Variants in ROBO2 observed in about 807,000 individuals in gnomAD.
ROBO2 encodes roundabout homolog 2.
ROBO2 carries 53 observed loss-of-function variants against 160.8 expected under a neutral mutation model. The ratio of observed to expected loss-of-function variants is 0.33; its 90% CI spans 0.26 to 0.41. The LOEUF is 0.41. Ranked by LOEUF, ROBO2 falls within the 10% of genes least tolerant of loss-of-function variation. The pLI is 1.00. For missense variants in ROBO2, 1,577 were observed against 1,722.4 expected (o/e 0.92, Z 1.49); for synonymous variants, 664 against 611.7 (o/e 1.09, Z -1.26).
chr3:76,888,125 C>T (rs867767604), intron 2 of ROBO2, among the ~76,000 whole-genome samples: 12 of 152,198 alleles, frequency 7.9e-5, no homozygotes, highest in Admixed American at 4.6e-4. Flanking sequence ...CCCAGCACTT[C>T]GGGAGGCCCA....
At chr3:76,688,468 T>A (rs1427602930) in intron 2 of ROBO2, among the ~76,000 whole-genome samples, 1 of 151,998 alleles carries the variant, frequency 6.6e-6, no homozygotes, top group Non-Finnish European at 1.5e-5. Flanking sequence ...AGTTCTGGAT[T>A]ATTTCCTCAC....
intron 2 of ROBO2, among the ~76,000 whole-genome samples, chr3:76,742,039 CAG>C: frequency 6.6e-6 from 1 of 151,974 alleles, no homozygotes; most frequent in Non-Finnish European, 1.5e-5. Context: ...ATTCTCAGAT[CAG>C]TCAACAGCTA....
At chr3:76,252,577 T>A (rs1706076869) in intron 2 of ROBO2, among the ~76,000 whole-genome samples, 1 of 151,820 alleles carries the variant, frequency 6.6e-6, no homozygotes, top group Non-Finnish European at 1.5e-5. Flanking sequence ...CACACATATA[T>A]ATGGCTGTGA....
chr3:77,596,125 A>G (rs1198638718), intron 18 of ROBO2, among the ~76,000 whole-genome samples: 1 of 152,230 alleles, frequency 6.6e-6, no homozygotes, highest in South Asian at 2.1e-4. Flanking sequence ...CTATTTATGG[A>G]GCAGTATAAA....
At chr3:76,966,600 T>C (rs988172514) in intron 2 of ROBO2, among the ~76,000 whole-genome samples, 1 of 152,116 alleles carries the variant, frequency 6.6e-6, no homozygotes, top group African/African-American at 2.4e-5. Flanking sequence ...GGGGAGGAGA[T>C]TGTGCTTTCA....
intron 2 of ROBO2, among the ~76,000 whole-genome samples, chr3:76,452,636 C>T (rs923147814): frequency 2.0e-5 from 3 of 152,104 alleles, no homozygotes; most frequent in African/African-American, 2.4e-5. Flanking sequence ...AATATACATA[C>T]GTGTGCCTGT....
At chr3:76,682,863 C>T (rs1575936836) in intron 2 of ROBO2, among the ~76,000 whole-genome samples, 1 of 152,236 alleles carries the variant, frequency 6.6e-6, no homozygotes, top group South Asian at 2.1e-4. Context: ...ATCTGCAGGA[C>T]ATTCAGGGGT....
chr3:76,428,186 A>C (rs1268431373), intron 2 of ROBO2, among the ~76,000 whole-genome samples: 1 of 152,096 alleles, frequency 6.6e-6, no homozygotes, highest in Admixed American at 6.6e-5. Context: ...CCATCTGCCC[A>C]CATACCTGAT....
chr3:76,304,724 CT>C (rs1474187955), intron 2 of ROBO2, among the ~76,000 whole-genome samples: 4 of 55,508 alleles, frequency 7.2e-5, no homozygotes, highest in Non-Finnish European at 2.1e-4. Flanking sequence ...CTCTTTCTTT[CT>C]TTCTTTCTTT....
chr3:76,214,943 G>C (rs1013520069), intron 2 of ROBO2, among the ~76,000 whole-genome samples: 3 of 152,140 alleles, frequency 2.0e-5, no homozygotes, highest in Non-Finnish European at 4.4e-5. Flanking sequence ...TCACATGGCA[G>C]GGTACTCCTC....
intron 2 of ROBO2, among the ~76,000 whole-genome samples, chr3:76,010,929 A>C (rs764119558): frequency 1.3e-5 from 2 of 152,202 alleles, no homozygotes; most frequent in Admixed American, 1.3e-4. Flanking sequence ...AATATTGCCC[A>C]AAATACATCC....
chr3:76,135,574 T>C (rs535420732), intron 2 of ROBO2, among the ~76,000 whole-genome samples: 1 of 152,264 alleles, frequency 6.6e-6, no homozygotes, highest in Non-Finnish European at 1.5e-5. Context: ...GACACAAACA[T>C]GTTCAATGTA....
At chr3:77,028,727 G>C (rs1359808798) in intron 2 of ROBO2, among the ~76,000 whole-genome samples, 1 of 151,626 alleles carries the variant, frequency 6.6e-6, no homozygotes, top group Non-Finnish European at 1.5e-5. Flanking sequence ...TCAAAAAAAA[G>C]AAAAAAAATC....
chr3:76,533,126 T>C (rs920555606), intron 2 of ROBO2, among the ~76,000 whole-genome samples: 6 of 152,228 alleles, frequency 3.9e-5, no homozygotes, highest in Admixed American at 2.0e-4. Context: ...AATGTATGCA[T>C]GCCTTTAAAT....
intron 1 of ROBO2, among the ~76,000 whole-genome samples, chr3:75,929,098 G>A (rs1298627786): frequency 2.0e-5 from 3 of 146,362 alleles, no homozygotes; most frequent in Non-Finnish European, 4.5e-5. Context: ...GTGGAGGGGG[G>A]GTAGCTGATG....
chr3:77,363,719 A>G (rs1212906589), intron 2 of ROBO2, among the ~76,000 whole-genome samples: 1 of 152,192 alleles, frequency 6.6e-6, no homozygotes, highest in Non-Finnish European at 1.5e-5. Flanking sequence ...TCCCTGGTAT[A>G]GGGCACAGCC....
intron 2 of ROBO2, among the ~76,000 whole-genome samples, chr3:77,199,200 T>C (rs2082588240): frequency 6.6e-6 from 1 of 152,216 alleles, no homozygotes; most frequent in Non-Finnish European, 1.5e-5. Flanking sequence ...TTTTATCTCT[T>C]TGAGGCAGTA....
chr3:76,497,644 G>C (rs903821551), intron 2 of ROBO2, among the ~76,000 whole-genome samples: 3 of 152,220 alleles, frequency 2.0e-5, no homozygotes, highest in African/African-American at 7.2e-5. Flanking sequence ...TGCCATGAAG[G>C]TGGTAGTTAC....
chr3:76,598,641 T>C (rs2086895008), intron 2 of ROBO2, among the ~76,000 whole-genome samples: 1 of 152,138 alleles, frequency 6.6e-6, no homozygotes, highest in Admixed American at 6.6e-5. Flanking sequence ...AAAATTTCAA[T>C]TAAGCGTGTC....
Sources: allele counts gnomAD v4.1 joint callset (sites outside exome capture counted in the v4.1 genomes callset), GRCh38; gene constraint gnomAD v4.1.1; transcripts MANE v1.5; gene names NCBI Gene and HGNC (gene_info 2026-07-23, HGNC 2026-07-21).